The following DLG2 variants were observed in gnomAD, a reference collection of about 807,000 sequenced individuals.
DLG2 encodes discs large MAGUK scaffold protein 2.
In DLG2, 45 loss-of-function variants were observed where a neutral mutation model predicts 132.5. That is an observed-to-expected ratio of 0.34 (90% CI 0.27 to 0.44). The LOEUF is 0.44. Among genes scored for constraint, DLG2 ranks in the 20% least tolerant of loss-of-function variants. The probability of loss-of-function intolerance (pLI) is 1.00; values close to 1 mark genes in which losing one functional copy is unlikely to be tolerated. For synonymous variants in DLG2, 424 were observed against 419.6 expected, an observed-to-expected ratio of 1.01 and a Z score of -0.13; for missense variants, 1,045 against 1,196.9, an observed-to-expected ratio of 0.87 and a Z score of 1.87.
At chr11:84,857,894 T>C (rs866005597) in intron 6 of DLG2, among the ~76,000 whole-genome samples, 7 of 151,992 alleles carry the variant, frequency 4.6e-5, no homozygotes, top group Admixed American at 2.6e-4. Context: ...CCACTAACTT[T>C]TTTTTTTTTT....
At chr11:85,319,589 A>T (rs965461027) in intron 3 of DLG2, among the ~76,000 whole-genome samples, 1 of 151,836 alleles carries the variant, frequency 6.6e-6, no homozygotes, top group Non-Finnish European at 1.5e-5. Context: ...TATAAAACTC[A>T]TGGTATAAAA....
chr11:84,214,282 AAT>A (rs530089530), intron 8 of DLG2, among the ~76,000 whole-genome samples: 30 of 141,180 alleles, frequency 2.1e-4, no homozygotes, highest in South Asian at 1.3e-3. Flanking sequence ...CACATATATG[AAT>A]ATATATATGA....
chr11:85,056,000 C>T (rs1177101568), intron 6 of DLG2, among the ~76,000 whole-genome samples: 2 of 152,042 alleles, frequency 1.3e-5, no homozygotes, highest in Non-Finnish European at 2.9e-5. Context: ...AATTTCTTTT[C>T]CTCTTTTTTT....
intron 21 of DLG2, among the ~76,000 whole-genome samples, chr11:83,531,883 A>C (rs535049693): frequency 1.8e-4 from 27 of 147,308 alleles, no homozygotes; most frequent in South Asian, 1.5e-3. Context: ...AAGTGAAAAA[A>C]GCAGCCACAA....
Position 84,592,933 on chromosome 11 carries a change from TAAAAAAAAAAAAAAAAAAAAAAAA to T in DLG2, c.358-58226_358-58203del, listed in dbSNP as rs61017970. Among the ~76,000 whole-genome samples, 148 of 18,196 alleles carry T rather than the reference TAAAAAAAAAAAAAAAAAAAAAAAA, an allele frequency of 8.1e-3. 1 individual carries two copies. Among genetic ancestry groups the T allele is most frequent in the Middle Eastern group, 0.042 (1 of 24 alleles). The allele number at this position is 18,196 out of a possible 152,430, so 11.9% of individuals were successfully genotyped here. A position where few individuals can be genotyped will look rare whatever the true frequency, so the allele number is the denominator to read the frequency against. ...TAACACGGTGAAACCCTGTCTCTAC[TAAAAAAAAAAAAAAAAAAAAAAAA>T]AAAAAAAAAAAAAAAGTTGGGCATG... On this transcript the variant is annotated intron_variant, in intron 6 of 27. Transcript: ENST00000376104.
chr11:85,302,667 A>G (rs910644770), intron 3 of DLG2, among the ~76,000 whole-genome samples: 4 of 150,638 alleles, frequency 2.7e-5, no homozygotes, highest in African/African-American at 7.3e-5. Flanking sequence ...AAAAAAAAAC[A>G]GTCAGTTAGT....
chr11:84,233,534 G>A (rs1437815208), intron 8 of DLG2, among the ~76,000 whole-genome samples: 3 of 152,134 alleles, frequency 2.0e-5, no homozygotes, highest in African/African-American at 4.8e-5. Context: ...CACATGTACA[G>A]GAACAAAGAA....
rs142210000 is a variant in DLG2, at chr11:85,359,146, T to C, written c.41-73781A>G. ...ATTTACACAGTCTCATTAAGTTGGC[T>C]TTTAACCTCATGTCCCAATGGGTGG... On this transcript the variant is annotated intron_variant, in intron 3 of 27. Coordinates refer to ENST00000376104, the MANE Select transcript of DLG2 (RefSeq NM_001142699.3). 4.0e-3 allele frequency among the ~76,000 whole-genome samples: 606 copies of C among 152,278 alleles called. 8 individuals are homozygous for C. Among genetic ancestry groups the C allele is most frequent in the African/African-American group, 0.013 (527 of 41,526 alleles).
intron 7 of DLG2, among the ~76,000 whole-genome samples, chr11:84,527,937 C>CT (rs1294934387): frequency 1.4e-5 from 2 of 146,408 alleles, no homozygotes; most frequent in Admixed American, 1.4e-4. Flanking sequence ...CTCTCTCTCG[C>CT]TAATAAATAC....
intron 6 of DLG2, among the ~76,000 whole-genome samples, chr11:84,755,076 T>A (rs895401118): frequency 6.6e-6 from 1 of 152,182 alleles, no homozygotes; most frequent in Non-Finnish European, 1.5e-5. Context: ...TCTTTTACTA[T>A]CATATTCAAC....
At chr11:83,537,411 G>T (rs1405690617) in intron 20 of DLG2, among the ~76,000 whole-genome samples, 1 of 152,148 alleles carries the variant, frequency 6.6e-6, no homozygotes, top group Non-Finnish European at 1.5e-5. Context: ...CCACAGGCTT[G>T]CTGTGACAGC....
chr11:83,628,327 CTG>C (rs2062970669), intron 19 of DLG2, among the ~76,000 whole-genome samples: 1 of 152,136 alleles, frequency 6.6e-6, no homozygotes, highest in Non-Finnish European at 1.5e-5. Context: ...CCCAGAGAAA[CTG>C]ATTCGTCCAT....
intron 5 of DLG2, among the ~76,000 whole-genome samples, chr11:85,154,013 G>T (rs1354683276): frequency 6.6e-6 from 1 of 151,676 alleles, no homozygotes; most frequent in Admixed American, 6.6e-5. Context: ...TAGGACTAAT[G>T]ACTTCATTTT....
intron 3 of DLG2, among the ~76,000 whole-genome samples, chr11:85,345,846 G>T (rs2082797400): frequency 6.6e-6 from 1 of 151,966 alleles, no homozygotes; most frequent in Non-Finnish European, 1.5e-5. Flanking sequence ...GCAAAAGTTA[G>T]TTGATCACAT....
At chr11:84,725,010 A>C (rs2062254260) in intron 6 of DLG2, among the ~76,000 whole-genome samples, 1 of 152,208 alleles carries the variant, frequency 6.6e-6, no homozygotes. Context: ...TTATTAGCTA[A>C]GGAATGTCAT....
intron 3 of DLG2, among the ~76,000 whole-genome samples, chr11:85,470,448 T>C (rs1282016974): frequency 3.3e-5 from 5 of 152,078 alleles, no homozygotes; most frequent in Non-Finnish European, 7.4e-5. Context: ...TTTGGCCAGG[T>C]ATTGTGGCTC....
chr11:84,221,269 G>C (rs1246593960), intron 8 of DLG2, among the ~76,000 whole-genome samples: 1 of 151,976 alleles, frequency 6.6e-6, no homozygotes, highest in African/African-American at 2.4e-5. Flanking sequence ...TTCAAGACCA[G>C]CCTGGCCAAC....
intron 12 of DLG2, among the ~76,000 whole-genome samples, chr11:83,976,070 A>G (rs1489051409): frequency 6.6e-6 from 1 of 151,822 alleles, no homozygotes; most frequent in Non-Finnish European, 1.5e-5. Context: ...TTTCAGGGAG[A>G]AAAAGTACCC....
chr11:84,170,752 T>A (rs2095801716), intron 8 of DLG2, among the ~76,000 whole-genome samples: 1 of 152,178 alleles, frequency 6.6e-6, no homozygotes, highest in African/African-American at 2.4e-5. Context: ...TTTAACATGC[T>A]AGGTAACCTT....
Sources: allele counts gnomAD v4.1 joint callset (sites outside exome capture counted in the v4.1 genomes callset), GRCh38; gene constraint gnomAD v4.1.1; transcripts MANE v1.5; gene names NCBI Gene and HGNC (gene_info 2026-07-23, HGNC 2026-07-21).